Variants in PDE2A observed in about 807,000 individuals in gnomAD.
PDE2A encodes phosphodiesterase 2A.
PDE2A carries 53 observed loss-of-function variants against 133.6 expected under a neutral mutation model. That is an observed-to-expected ratio of 0.40 (90% CI 0.32 to 0.50). The LOEUF (loss-of-function observed/expected upper bound fraction) is 0.50. PDE2A is among the 20% of genes least tolerant of loss of function. The probability of loss-of-function intolerance (pLI) is 0.73; values close to 1 mark genes in which losing one functional copy is unlikely to be tolerated. For synonymous variants in PDE2A, 491 were observed against 490.2 expected (o/e 1.00, Z -0.02); for missense variants, 796 against 1,232.4 (o/e 0.65, Z 5.30).
intron 6 of PDE2A, among the ~76,000 whole-genome samples, chr11:72,591,731 G>A (rs1026818218): frequency 2.0e-5 from 3 of 152,308 alleles, no homozygotes; most frequent in South Asian, 4.1e-4. Context: ...TCAGCCTCCC[G>A]GCTCTATCCT....
intron 4 of PDE2A, among the ~76,000 whole-genome samples, chr11:72,601,632 C>A (rs1216939661): frequency 6.6e-6 from 1 of 152,122 alleles, no homozygotes; most frequent in Non-Finnish European, 1.5e-5. Context: ...TTGCTGCACT[C>A]AGCATCAGGT....
intron 2 of PDE2A, among the ~76,000 whole-genome samples, chr11:72,618,459 G>A (rs1036149968): frequency 2.0e-5 from 3 of 152,202 alleles, no homozygotes; most frequent in African/African-American, 7.2e-5. Context: ...AGCAAGCAAG[G>A]GGCTGAGCCA....
At position 72,577,106 on chromosome 11, in the gene PDE2A, T is replaced by C. The variant is rs1462672785; in HGVS notation, c.*278A>G. ...AGACAAAGAATGGCTTGGGAAAGAC[T>C]TGCCAAGGTGTGGTCAGAGGTGCAG... On this transcript the variant is annotated 3_prime_UTR_variant, in exon 31 of 31. Coordinates refer to ENST00000334456, the MANE Select transcript of PDE2A (RefSeq NM_002599.5). 1 of 384,486 alleles carries C rather than the reference T, an allele frequency of 2.6e-6. No individual in the cohort carries two copies. Among genetic ancestry groups the C allele is most frequent in the African/African-American group, 2.0e-5 (1 of 49,912 alleles). The allele number at this position is 384,486 out of a possible 1,614,324, so 23.8% of individuals were successfully genotyped here.
intron 4 of PDE2A, among the ~76,000 whole-genome samples, chr11:72,602,830 C>T (rs953233684): frequency 6.6e-6 from 1 of 152,234 alleles, no homozygotes; most frequent in Non-Finnish European, 1.5e-5. Flanking sequence ...AATCCCATTC[C>T]AGTGCTCTTC....
chr11:72,589,487 C>G (rs1856133450), intron 11 of PDE2A, among the ~76,000 whole-genome samples: 1 of 152,210 alleles, frequency 6.6e-6, no homozygotes, highest in African/African-American at 2.4e-5. Flanking sequence ...CAGATTCTAG[C>G]AGATCCATAT....
intron 2 of PDE2A, among the ~76,000 whole-genome samples, chr11:72,639,356 G>A (rs897180246): frequency 6.6e-6 from 1 of 152,188 alleles, no homozygotes; most frequent in African/African-American, 2.4e-5. Context: ...CAGAGAAGGG[G>A]CGAGGGCAGG....
At chr11:72,592,419 A>G (rs981885989) in intron 6 of PDE2A, among the ~76,000 whole-genome samples, 3 of 152,180 alleles carry the variant, frequency 2.0e-5, no homozygotes, top group African/African-American at 7.2e-5. Context: ...GTTCTCGGGA[A>G]GCTCACAGTC....
chr11:72,615,913 G>A (rs911634965), intron 2 of PDE2A, among the ~76,000 whole-genome samples: 3 of 152,170 alleles, frequency 2.0e-5, no homozygotes, highest in African/African-American at 7.2e-5. Context: ...GCAAGCAAGG[G>A]CCAAGGCCCT....
intron 3 of PDE2A, among the ~76,000 whole-genome samples, chr11:72,607,654 G>A (rs1206730302): frequency 2.0e-5 from 3 of 152,152 alleles, no homozygotes; most frequent in East Asian, 1.9e-4. Flanking sequence ...GTGACCTTGG[G>A]ACAAGTGCCC....
At chr11:72,658,269 C>A (rs1028129744) in intron 1 of PDE2A, 1 of 379,488 alleles carries the variant, frequency 2.6e-6, no homozygotes, top group Non-Finnish European at 5.2e-6. Context: ...CCTCCTCCCA[C>A]CCCAGGTTAT....
At chr11:72,616,552 C>T (rs1236064550) in intron 2 of PDE2A, among the ~76,000 whole-genome samples, 1 of 152,194 alleles carries the variant, frequency 6.6e-6, no homozygotes, top group African/African-American at 2.4e-5. Flanking sequence ...GGGCTACATG[C>T]CATCAGGGAG....
chr11:72,590,519 CG>C lies in PDE2A; in HGVS notation c.610del (p.Arg204GlufsTer89). On this transcript the variant is annotated frameshift_variant, in exon 8 of 31. Transcript: ENST00000334456. LOFTEE classifies it high-confidence loss of function. This position sits in a 1 kb window ranked among gnomAD's most constrained non-coding sequence, Gnocchi z 4.8. ...CCCCTCCGGGGGGTTCTGGACGGCTCGGGGAGCCTCCCTGGGCCCGCGCTGC... is the reference window on the plus strand; with the variant it reads ...CCCCTCCGGGGGGTTCTGGACGGCTCGGGAGCCTCCCTGGGCCCGCGCTGC... ...LQQRGPREAP[R>X]AVQNPPEGTA... 6.8e-7 allele frequency: 1 copy of C among 1,466,862 alleles called. No homozygotes were observed. 90.9% of individuals were successfully genotyped at this position (1,466,862 alleles called of 1,614,324 possible). A position where few individuals can be genotyped will look rare whatever the true frequency, so the allele number is the denominator to read the frequency against.
intron 1 of PDE2A, among the ~76,000 whole-genome samples, chr11:72,653,622 G>A (rs960424268): frequency 1.3e-5 from 2 of 152,156 alleles, no homozygotes; most frequent in African/African-American, 4.8e-5. Context: ...GAGAGGACTG[G>A]AGAGGGACAG....
intron 1 of PDE2A, among the ~76,000 whole-genome samples, chr11:72,670,504 T>G (rs1351097677): frequency 6.6e-6 from 1 of 151,784 alleles, no homozygotes; most frequent in Admixed American, 6.6e-5. Context: ...TACAGCCCAC[T>G]CTCATAAAAC....
At chr11:72,589,724 C>T in intron 11 of PDE2A, 27 bp downstream of exon 11, 1 of 1,612,404 alleles carries the variant, frequency 6.2e-7, no homozygotes, top group Non-Finnish European at 8.5e-7. Context: ...CTGCAGACTC[C>T]AACGAGAAGA....
rs746023902 is a variant in PDE2A at position 72,585,555 on chromosome 11, C to T, written c.1221G>A (p.Leu407=). ...AGGCAGAGAGAACAGTGCACTCACCCAGGTGGGTGAAGAGGTTCTTTGCCA... is the reference window on the plus strand; with the variant it reads ...AGGCAGAGAGAACAGTGCACTCACCTAGGTGGGTGAAGAGGTTCTTTGCCA... The part of the protein sequence containing the change: ...LQVAKNLFTH[L]DDVSVLLQEI... The change falls in exon 15 of 31, where the codon CTG becomes CTA. Residue 407 remains leucine (L), a splice_region_variant and synonymous_variant. Transcript: ENST00000334456. 2.5e-6 allele frequency: 4 copies of T among 1,614,014 alleles called. No homozygotes were observed. The South Asian group carries it at 3.3e-5, about 13-fold the overall frequency.
At chr11:72,587,509 C>A (rs1024056220) in intron 13 of PDE2A, among the ~76,000 whole-genome samples, 1 of 152,316 alleles carries the variant, frequency 6.6e-6, no homozygotes, top group Non-Finnish European at 1.5e-5. Flanking sequence ...TTATTTCCTG[C>A]TGATACCACC....
At chr11:72,642,000 C>T (rs73546206) in intron 2 of PDE2A, among the ~76,000 whole-genome samples, 1,704 of 152,320 alleles carry the variant, frequency 0.011, 23 homozygotes, top group African/African-American at 0.039. Context: ...GCACTGCGGT[C>T]CCACCGTGGA....
At chr11:72,579,901 CT>C (rs749376513) in intron 25 of PDE2A, 14 of 410,976 alleles carry the variant, frequency 3.4e-5, no homozygotes, top group Non-Finnish European at 5.2e-5. Context: ...TGAAATGATC[CT>C]TTGGAGTCCT....
Sources: gnomAD v4.1 joint callset for allele counts (sites outside exome capture counted in the v4.1 genomes callset) on GRCh38, gnomAD v4.1.1 for gene constraint, Gnocchi (gnomAD v3.1) non-coding constraint, MANE v1.5 for transcripts, NCBI Gene and HGNC (gene_info 2026-07-23, HGNC 2026-07-21) for gene names.